Variants in PXN observed in about 807,000 individuals in gnomAD.
PXN encodes the protein paxillin.
A neutral mutation model predicts 103.6 loss-of-function variants in PXN; 61 were observed. That is an observed-to-expected ratio of 0.59 (90% CI 0.48 to 0.73). The LOEUF is 0.73. Ranked by LOEUF, PXN falls within the 30% of genes least tolerant of loss-of-function variation. The pLI is 0.00. For synonymous variants in PXN, 562 were observed against 607.8 expected (o/e 0.92, Z 1.11); for missense variants, 1,274 against 1,460.3 (o/e 0.87, Z 2.08).
chr12:120,235,928 T>A (rs547415797), intron 1 of PXN, among the ~76,000 whole-genome samples: 1 of 152,164 alleles, frequency 6.6e-6, no homozygotes, highest in Non-Finnish European at 1.5e-5. Flanking sequence ...ATCAGAATCA[T>A]TAAGAGACAC....
chr12:120,228,504 G>A lies in PXN; in HGVS notation c.14-4127C>T, dbSNP rs1887363278. ...GGTGAGGAAGGGGTGCAGACTGTCT[G>A]CTGCTCCCCACCAGAGGGCACCATT... On this transcript the variant is annotated intron_variant, in intron 1 of 14. Transcript: ENST00000637617. This position sits in a 1 kb window ranked among gnomAD's most constrained non-coding sequence, Gnocchi z 4.7. 6.6e-6 allele frequency among the ~76,000 whole-genome samples: 1 copy of A among 152,242 alleles called. No homozygotes were observed. The highest frequency in any genetic ancestry group is 2.4e-5 in the African/African-American group (1 of 41,470).
In PXN at chr12:120,215,649, C is replaced by G. The variant is rs966996554; in HGVS notation, c.2314G>C (p.Glu772Gln). The G allele has an allele frequency of 6.2e-7, 1 of 1,610,240 alleles. No individual in the cohort carries two copies. Among genetic ancestry groups the G allele is most frequent in the Non-Finnish European group, 8.5e-7 (1 of 1,178,764 alleles). ...CACCGCTCCCCATCCGCTCTTTGCT[C>G]CAGGCCCTGGATCTTAGATAGGGGA... ...LFPPMQIQGL[E>Q]QRADGERCWA... The change falls in exon 10 of 15, where the codon GAG (glutamate) becomes CAG (glutamine). Residue 772 changes from glutamate (E) to glutamine (Q), a missense_variant. By Grantham distance (29) the Glu-to-Gln change is conservative (BLOSUM62 2). Coordinates refer to ENST00000637617, the MANE Select transcript of PXN (RefSeq NM_001385981.1). This position sits in a 1 kb window ranked among gnomAD's most constrained non-coding sequence, Gnocchi z 4.9.
chr12:120,232,305 A>C (rs1307726171), intron 1 of PXN, among the ~76,000 whole-genome samples: 2 of 152,176 alleles, frequency 1.3e-5, no homozygotes, highest in African/African-American at 4.8e-5. Context: ...TACAGACAGG[A>C]GCCACCATGC....
chr12:120,229,750 T>A lies in PXN; in HGVS notation c.14-5373A>T, dbSNP rs1157728891. ...GCCCTAGGAGGGGAAAGAAATCACC[T>A]CCCCGTCCTATCCAATCCCTGAGGG... On this transcript the variant is annotated intron_variant, in intron 1 of 14. Coordinates refer to ENST00000637617, the MANE Select transcript of PXN (RefSeq NM_001385981.1). This position sits in a 1 kb window ranked among gnomAD's most constrained non-coding sequence, Gnocchi z 4.0. 6.6e-6 allele frequency among the ~76,000 whole-genome samples: 1 copy of A among 152,074 alleles called. No individual in the cohort carries two copies. Among genetic ancestry groups the A allele is most frequent in the African/African-American group, 2.4e-5 (1 of 41,396 alleles).
intron 1 of PXN, among the ~76,000 whole-genome samples, chr12:120,244,716 A>G (rs1768099363): frequency 6.6e-6 from 1 of 150,944 alleles, no homozygotes; most frequent in Non-Finnish European, 1.5e-5. Context: ...CCAGCTACTT[A>G]GGAGGCTGAG....
chr12:120,254,091 C>A (rs1463757564), intron 1 of PXN, among the ~76,000 whole-genome samples: 2 of 152,138 alleles, frequency 1.3e-5, no homozygotes, highest in Non-Finnish European at 2.9e-5. Context: ...GTTGGCCAGG[C>A]TGGTCTCGAA....
chr12:120,244,680 G>A (rs1890754793), intron 1 of PXN, among the ~76,000 whole-genome samples: 1 of 150,092 alleles, frequency 6.7e-6, no homozygotes, highest in Non-Finnish European at 1.5e-5. Flanking sequence ...AAACTTAGCT[G>A]GGCGCAGTGG....
rs754397438 is a variant in PXN at position 120,222,106 on chromosome 12, T to C, written c.696-348A>G. Among the ~76,000 whole-genome samples, 2 of 152,208 alleles carry C rather than the reference T, an allele frequency of 1.3e-5. No homozygotes were observed. Among genetic ancestry groups the C allele is most frequent in the African/African-American group, 4.8e-5 (2 of 41,454 alleles). On this transcript the variant is annotated intron_variant, in intron 5 of 14. Transcript: ENST00000637617. The surrounding 1 kb of genome is among the most constrained non-coding windows in gnomAD (Gnocchi z 4.7). Reference sequence around the variant, plus strand: ...GAGCTCGCGTGTTGGGCACTCACCATGTGTGCCACGCACTACACACCAGAA... The same window carrying C: ...GAGCTCGCGTGTTGGGCACTCACCACGTGTGCCACGCACTACACACCAGAA...
At chr12:120,226,728 A>T in intron 1 of PXN, 1 of 1,100,328 alleles carries the variant, frequency 9.1e-7, no homozygotes, top group Non-Finnish European at 1.1e-6. Flanking sequence ...TCTGAGGTCG[A>T]GCCAGACCTG....
chr12:120,259,041 C>T (rs1405864669), intron 1 of PXN, among the ~76,000 whole-genome samples: 1 of 151,822 alleles, frequency 6.6e-6, no homozygotes, highest in Non-Finnish European at 1.5e-5. Flanking sequence ...TGCACTCCAG[C>T]CTGGGCAACA....
chr12:120,235,424 C>T (rs1888844856), intron 1 of PXN, among the ~76,000 whole-genome samples: 1 of 152,138 alleles, frequency 6.6e-6, no homozygotes, highest in African/African-American at 2.4e-5. Flanking sequence ...AATGCAGACA[C>T]CCAGAGCCGC....
Position 120,216,429 on chromosome 12 carries a change from G to T in PXN, c.2145C>A (p.Pro715=). The T allele has an allele frequency of 7.3e-7, 1 of 1,373,374 alleles. No individual in the cohort carries two copies. Among genetic ancestry groups the T allele is most frequent in the East Asian group, 3.0e-5 (1 of 33,340 alleles). The allele number at this position is 1,373,374 out of a possible 1,614,324, so 85.1% of individuals were successfully genotyped here. A position where few individuals can be genotyped will look rare whatever the true frequency, so the allele number is the denominator to read the frequency against. The change falls in exon 9 of 15, where the codon CCC becomes CCA. Residue 715 remains proline (P), a synonymous_variant. Transcript: ENST00000637617. The surrounding 1 kb of genome is among the most constrained non-coding windows in gnomAD (Gnocchi z 5.1). ...CAGAAGAACCACAGGTATAAGCTGA[G>T]GGCCCCAGGGGGGAGGAGGCGAGCA... ...PSLLASSPLG[P]SAYTCGSSGV... is the part of the protein sequence containing the mutation.
intron 1 of PXN, among the ~76,000 whole-genome samples, chr12:120,245,824 A>G (rs191985886): frequency 3.5e-4 from 53 of 151,762 alleles, no homozygotes; most frequent in African/African-American, 1.2e-3. Flanking sequence ...TAGAAATATT[A>G]TAGTAAATTT....
At chr12:120,235,173 C>A (rs2136447734) in intron 1 of PXN, among the ~76,000 whole-genome samples, 1 of 152,246 alleles carries the variant, frequency 6.6e-6, no homozygotes, top group Non-Finnish European at 1.5e-5. Flanking sequence ...GGCTTTGAAC[C>A]CAGAATCGCA....
At chr12:120,247,408 C>T (rs1891353848) in intron 1 of PXN, 1 of 152,648 alleles carries the variant, frequency 6.6e-6, no homozygotes, top group Non-Finnish European at 1.5e-5. Context: ...CACTGTTTGC[C>T]CTCACCCCAG....
At chr12:120,233,899 C>A (rs963379261) in intron 1 of PXN, among the ~76,000 whole-genome samples, 1 of 152,156 alleles carries the variant, frequency 6.6e-6, no homozygotes, top group Non-Finnish European at 1.5e-5. Flanking sequence ...TCATCATTCA[C>A]CTGGTTTGAG....
At chr12:120,264,434 C>G (rs1894352593) in intron 1 of PXN, 1 of 152,512 alleles carries the variant, frequency 6.6e-6, no homozygotes, top group Non-Finnish European at 1.5e-5. Flanking sequence ...TCAGGGCCCT[C>G]CAGCTACAGG....
At chr12:120,234,208 G>A (rs1888604463) in intron 1 of PXN, among the ~76,000 whole-genome samples, 1 of 151,934 alleles carries the variant, frequency 6.6e-6, no homozygotes, top group Non-Finnish European at 1.5e-5. Context: ...AAACCATGTT[G>A]GCCTGGCCAA....
chr12:120,249,895 TTG>T, intron 1 of PXN: 2 of 985,426 alleles, frequency 2.0e-6, no homozygotes, highest in Non-Finnish European at 2.4e-6. Context: ...CAAAGACGCA[TTG>T]TGCCTGATGA....
Sources: gnomAD v4.1 joint callset for allele counts (sites outside exome capture counted in the v4.1 genomes callset) on GRCh38, gnomAD v4.1.1 for gene constraint, Gnocchi (gnomAD v3.1) non-coding constraint, MANE v1.5 for transcripts, NCBI Gene and HGNC (gene_info 2026-07-23, HGNC 2026-07-21) for gene names.